The following PKD1L3 variants were observed in gnomAD, a reference collection of about 807,000 sequenced individuals.
PKD1L3 encodes the protein polycystin 1 like 3, transient receptor potential channel interacting.
Under a neutral mutation model 184.1 loss-of-function variants are expected in PKD1L3, and 239 were observed. That is an observed-to-expected ratio of 1.30 (90% CI 1.17 to 1.45). PKD1L3 has a LOEUF of 1.45. Ranked by LOEUF, PKD1L3 falls within the 40% of genes most tolerant of loss-of-function variation. The pLI, the probability that PKD1L3 is intolerant of heterozygous loss-of-function variation, is 0.00. For synonymous variants in PKD1L3, 996 were observed against 778.8 expected, an observed-to-expected ratio of 1.28 and a Z score of -4.64; for missense variants, 2,660 against 2,067.2, an observed-to-expected ratio of 1.29 and a Z score of -5.56.
chr16:71,951,361 T>C (rs1422203223), intron 19 of PKD1L3, among the ~76,000 whole-genome samples: 1 of 152,216 alleles, frequency 6.6e-6, no homozygotes, highest in African/African-American at 2.4e-5. Flanking sequence ...AATCCTGTAC[T>C]TTGTTTCACC....
intron 4 of PKD1L3, 99 bp from the exon 5 acceptor site, chr16:71,986,568 G>T: frequency 3.1e-6 from 4 of 1,304,654 alleles, no homozygotes; most frequent in Non-Finnish European, 4.1e-6. Flanking sequence ...TCTGTCCTAT[G>T]AGATACTAAT....
chr16:71,986,945 GAC>G (rs1199436751), intron 4 of PKD1L3, among the ~76,000 whole-genome samples: 1 of 71,938 alleles, frequency 1.4e-5, no homozygotes, highest in Non-Finnish European at 2.0e-5. Flanking sequence ...TTTTTTTTGA[GAC>G]AGAGTCTCAC....
In PKD1L3 at chr16:71,998,360, G is replaced by C; in HGVS notation, c.330C>G (p.Leu110=). 6.4e-7 allele frequency: 1 copy of C among 1,551,798 alleles called. No individual in the cohort carries two copies. Among genetic ancestry groups the C allele is most frequent in the Non-Finnish European group, 8.7e-7 (1 of 1,146,998 alleles). ...DVAANGPPKP[L]SCTYLSRNFI... ...AGTTTCTGGACAGGTAGGTGCAGCT[G>C]AGGGGCTTTGGGGGCCCGTTGGCTG... The change falls in exon 2 of 30, where the codon CTC becomes CTG. Residue 110 remains leucine, a synonymous_variant. Coordinates refer to ENST00000620267, the MANE Select transcript of PKD1L3 (RefSeq NM_181536.2).
At chr16:71,935,649 G>T (rs974903957) in intron 25 of PKD1L3, 131 bp from the exon 26 acceptor site, 3 of 815,290 alleles carry the variant, frequency 3.7e-6, no homozygotes, top group Non-Finnish European at 5.6e-6. Flanking sequence ...GATCTCACTT[G>T]GACAAATGGG....
intron 7 of PKD1L3, among the ~76,000 whole-genome samples, chr16:71,981,849 CT>C (rs146812233): frequency 2.9e-3 from 441 of 152,126 alleles, no homozygotes; most frequent in African/African-American, 0.01. Context: ...CCCCTAAGTC[CT>C]TTTCACTTGA....
At chr16:71,996,989 C>T (rs1160516514) in intron 2 of PKD1L3, among the ~76,000 whole-genome samples, 1 of 141,324 alleles carries the variant, frequency 7.1e-6, no homozygotes, top group Non-Finnish European at 1.5e-5. Flanking sequence ...AGTTAGAAAG[C>T]GAGGTTATCA....
Position 71,947,525 on chromosome 16 carries a change from C to A in PKD1L3, c.3685G>T (p.Glu1229Ter). Residue 1229 changes from glutamate to a stop codon, truncating the protein, a stop_gained, in exon 22 of 30, where the codon GAA becomes TAA. Coordinates refer to ENST00000620267, the MANE Select transcript of PKD1L3 (RefSeq NM_181536.2). LOFTEE classifies it high-confidence loss of function. The part of the protein sequence containing the change: ...SRMPRLNKEN[E>*]QQTKRILALL... The stretch of plus-strand genomic sequence containing the variant: ...GCCAAGATCCTCTTTGTTTGTTGTT[C>A]ATTCTCTTTGTTAAGCCGTGGCATC... 3 of 1,545,860 alleles carry A rather than the reference C, an allele frequency of 1.9e-6. No homozygotes were observed. In the African/African-American group the frequency reaches 4.1e-5, roughly 21 times the overall value.
intron 7 of PKD1L3, among the ~76,000 whole-genome samples, chr16:71,980,392 C>A (rs773885320): frequency 6.6e-6 from 1 of 152,138 alleles, no homozygotes; most frequent in Non-Finnish European, 1.5e-5. Flanking sequence ...GACCTGCTCA[C>A]GATAGAGTTT....
In PKD1L3 at chr16:71,951,619, T is replaced by C. The variant is rs2038838133; in HGVS notation, c.3135A>G (p.Ser1045=). ...KLVKLLSSLV[S]SHLEGQGCHQ... is the part of the protein sequence containing the mutation. ...GACAGCCTTGACCCTCCAAGTGAGA[T>C]GATACGAGGCTGGATAAAAGTTTCA... is the stretch of plus-strand genomic sequence containing the variant. Residue 1045 remains serine (S), a synonymous_variant, in exon 19 of 30, where the codon TCA becomes TCG. Transcript: ENST00000620267. 1.3e-6 allele frequency: 2 copies of C among 1,551,800 alleles called. No individual in the cohort carries two copies. The highest frequency in any genetic ancestry group is 1.7e-6 in the Non-Finnish European group (2 of 1,146,996).
chr16:71,960,179 A>C (rs1307420917), intron 16 of PKD1L3, among the ~76,000 whole-genome samples: 2 of 151,808 alleles, frequency 1.3e-5, no homozygotes. Context: ...AAAAAAAAAA[A>C]CCAAAAAAAA....
At chr16:71,944,801 C>T (rs1352507167) in intron 22 of PKD1L3, among the ~76,000 whole-genome samples, 2 of 147,590 alleles carry the variant, frequency 1.4e-5, no homozygotes, top group Non-Finnish European at 3.0e-5. Context: ...CAGATTCAAG[C>T]GATTCTCTTG....
chr16:71,963,062 A>C, intron 16 of PKD1L3, 143 bp downstream of exon 16: 2 of 864,646 alleles, frequency 2.3e-6, no homozygotes, highest in Admixed American at 7.6e-5. Context: ...TACACCAGTT[A>C]CAACCACAAC....
intron 15 of PKD1L3, among the ~76,000 whole-genome samples, chr16:71,964,711 T>TC: frequency 6.6e-6 from 1 of 151,908 alleles, no homozygotes; most frequent in Non-Finnish European, 1.5e-5. Context: ...TCCCTATCCC[T>TC]CCTTCCAGTC....
At chr16:71,964,905 GGT>G (rs2039441423) in intron 15 of PKD1L3, among the ~76,000 whole-genome samples, 1 of 148,348 alleles carries the variant, frequency 6.7e-6, no homozygotes, top group Non-Finnish European at 1.5e-5. Flanking sequence ...GGAGTGCAGC[GGT>G]GCGATCTTGG....
chr16:71,998,169 C>T (rs986144535), intron 2 of PKD1L3, 103 bp downstream of exon 2: 7 of 1,441,054 alleles, frequency 4.9e-6, no homozygotes, highest in Non-Finnish European at 6.6e-6. Flanking sequence ...ATCCCATGGT[C>T]TAACACTCAC....
At chr16:71,976,249 G>A (rs530468242) in intron 11 of PKD1L3, among the ~76,000 whole-genome samples, 1 of 114,688 alleles carries the variant, frequency 8.7e-6, no homozygotes, top group East Asian at 2.5e-4. Flanking sequence ...ATGAGCCACT[G>A]AGTGCCCAGC....
At chr16:71,948,419 CTG>C (rs1385194313) in intron 21 of PKD1L3, among the ~76,000 whole-genome samples, 1 of 152,120 alleles carries the variant, frequency 6.6e-6, no homozygotes, top group Admixed American at 6.6e-5. Flanking sequence ...CAGGGTTTCA[CTG>C]TGTTGACCAG....
At chr16:71,986,567 T>C in intron 4 of PKD1L3, 98 bp from the exon 5 acceptor site, 2 of 1,331,962 alleles carry the variant, frequency 1.5e-6, no homozygotes, top group Non-Finnish European at 2.0e-6. Context: ...CTCTGTCCTA[T>C]GAGATACTAA....
At chr16:71,970,128 G>T in intron 12 of PKD1L3, 23 bp from the exon 13 acceptor site, 1 of 1,535,088 alleles carries the variant, frequency 6.5e-7, no homozygotes, top group East Asian at 2.4e-5. Context: ...TCAAGACGTT[G>T]ATTCTAGTCA....
Sources: allele counts gnomAD v4.1 joint callset (sites outside exome capture counted in the v4.1 genomes callset), GRCh38; gene constraint gnomAD v4.1.1; transcripts MANE v1.5; gene names NCBI Gene and HGNC (gene_info 2026-07-23, HGNC 2026-07-21).